PSD2: variants seen among roughly 807,000 people sequenced by gnomAD.
PSD2 encodes PH and SEC7 domain-containing protein 2.
A neutral mutation model predicts 69.8 loss-of-function variants in PSD2; 38 were observed. The observed-to-expected ratio is 0.54, with a 90% CI of 0.42 to 0.71. PSD2 has a LOEUF of 0.71. PSD2 is among the 30% of genes least tolerant of loss of function. The pLI, the probability that PSD2 is intolerant of heterozygous loss-of-function variation, is 0.00. For synonymous variants in PSD2, 412 were observed against 423.0 expected, an observed-to-expected ratio of 0.97 and a Z score of 0.32; for missense variants, 943 against 1,014.5, an observed-to-expected ratio of 0.93 and a Z score of 0.96.
At chr5:139,809,040 T>C (rs990212665) in intron 1 of PSD2, among the ~76,000 whole-genome samples, 25 of 152,256 alleles carry the variant, frequency 1.6e-4, no homozygotes, top group African/African-American at 5.8e-4. Context: ...CCAGCGGGAA[T>C]GGGAGGGGGC....
At chr5:139,801,608 C>T (rs1227556774) in intron 1 of PSD2, among the ~76,000 whole-genome samples, 1 of 152,164 alleles carries the variant, frequency 6.6e-6, no homozygotes, top group Non-Finnish European at 1.5e-5. Flanking sequence ...CTCCACTCCT[C>T]CATACAGATC....
intron 1 of PSD2, among the ~76,000 whole-genome samples, chr5:139,798,566 C>G (rs1581706849): frequency 1.3e-5 from 2 of 152,356 alleles, no homozygotes; most frequent in South Asian, 4.1e-4. Flanking sequence ...CTTGTCAAAG[C>G]TGATAGTATA....
the PSD2 span, among the ~76,000 whole-genome samples, chr5:139,780,010 T>C: frequency 6.6e-6 from 1 of 152,252 alleles, no homozygotes; most frequent in Non-Finnish European, 1.5e-5. Flanking sequence ...TTTGTGTGAA[T>C]ATATGTTTTC....
At chr5:139,809,907 T>C in intron 2 of PSD2, 96 bp downstream of exon 2, 1 of 1,337,268 alleles carries the variant, frequency 7.5e-7, no homozygotes, top group East Asian at 2.3e-5. Context: ...GTTCTTGTTT[T>C]TCTCACACAT....
intron 7 of PSD2, 47 bp from the exon 8 acceptor site, chr5:139,833,655 A>G: frequency 7.0e-7 from 1 of 1,421,262 alleles, no homozygotes; most frequent in African/African-American, 1.4e-5. Context: ...TGGGGAACAC[A>G]CCAGCCTCCT....
the PSD2 span, among the ~76,000 whole-genome samples, chr5:139,759,656 CG>C: frequency 6.6e-6 from 1 of 152,178 alleles, no homozygotes. Flanking sequence ...CGCGCCACGC[CG>C]GGCCCTTTGG....
the PSD2 span, among the ~76,000 whole-genome samples, chr5:139,769,306 A>G: frequency 1.3e-5 from 2 of 152,108 alleles, no homozygotes; most frequent in African/African-American, 4.8e-5. Context: ...GACGGGCCTC[A>G]GGCCTCAGGG....
At chr5:139,763,106 G>A in the PSD2 span, among the ~76,000 whole-genome samples, 1 of 152,124 alleles carries the variant, frequency 6.6e-6, no homozygotes, top group Non-Finnish European at 1.5e-5. Flanking sequence ...CCTCAGTGGG[G>A]TGCCTGAACA....
chr5:139,836,472 C>T (rs1483456986), intron 9 of PSD2, among the ~76,000 whole-genome samples: 5 of 152,130 alleles, frequency 3.3e-5, no homozygotes, highest in East Asian at 3.9e-4. Flanking sequence ...AGTCTGGCCA[C>T]GGTTAGTGCT....
At chr5:139,821,845 C>G (rs1274647372) in intron 5 of PSD2, 48 bp from the exon 6 acceptor site, 24 of 1,182,686 alleles carry the variant, frequency 2.0e-5, no homozygotes, top group Non-Finnish European at 2.8e-5. Context: ...TGGTCTTACC[C>G]TGGGTGAGGA....
At chr5:139,826,748 A>G (rs1760431337) in intron 7 of PSD2, among the ~76,000 whole-genome samples, 1 of 152,182 alleles carries the variant, frequency 6.6e-6, no homozygotes, top group Non-Finnish European at 1.5e-5. Flanking sequence ...GTGGATTTGA[A>G]TCAGCCTTAC....
chr5:139,802,355 G>C (rs1298160097), intron 1 of PSD2, among the ~76,000 whole-genome samples: 1 of 152,014 alleles, frequency 6.6e-6, no homozygotes, highest in African/African-American at 2.4e-5. Context: ...CAGACTGTGG[G>C]GAGCTACTCA....
chr5:139,787,819 AT>A, the PSD2 span, among the ~76,000 whole-genome samples: 1 of 152,212 alleles, frequency 6.6e-6, no homozygotes, highest in Non-Finnish European at 1.5e-5. Context: ...CTGGGTCACC[AT>A]GGGATAGTTG....
rs755373310 is a variant in PSD2, at chr5:139,836,949, C to T, written c.1542C>T (p.Tyr514=). Residue 514 remains tyrosine, a synonymous_variant, in exon 10 of 15, where the codon TAC becomes TAT. Transcript: ENST00000274710. ...DVPQALSATT[Y]KHGVLTRKTH... ...CACAGGCGCTCAGTGCCACCACCTA[C>T]AAGCACGGCGTCCTGACCCGGAAGA... 1.2e-6 allele frequency: 2 copies of T among 1,614,126 alleles called. No individual in the cohort carries two copies. The highest frequency in any genetic ancestry group is 1.7e-6 in the Non-Finnish European group (2 of 1,180,024).
At chr5:139,749,972 G>A in the PSD2 span, among the ~76,000 whole-genome samples, 2 of 151,484 alleles carry the variant, frequency 1.3e-5, no homozygotes, top group African/African-American at 4.9e-5. Context: ...TTGAGGCAGT[G>A]AGCCGTGATT....
intron 7 of PSD2, among the ~76,000 whole-genome samples, chr5:139,830,337 A>G (rs959330213): frequency 2.8e-5 from 4 of 141,732 alleles, no homozygotes; most frequent in African/African-American, 7.8e-5. Context: ...TCATCTCTTG[A>G]TAGTGTTCTT....
chr5:139,773,651 A>G, the PSD2 span, among the ~76,000 whole-genome samples: 3 of 152,200 alleles, frequency 2.0e-5, no homozygotes, highest in African/African-American at 4.8e-5. Flanking sequence ...CATATTGTCT[A>G]TGTCATAATT....
intron 12 of PSD2, 28 bp from the exon 13 acceptor site, chr5:139,838,600 C>T (rs367854593): frequency 1.4e-5 from 22 of 1,602,800 alleles, no homozygotes; most frequent in South Asian, 4.4e-5. Context: ...TGTGAGAGGC[C>T]GGCACCCTCT....
At chr5:139,835,810 TG>T (rs1274731827) in intron 9 of PSD2, 44 bp downstream of exon 9, 2 of 1,593,030 alleles carry the variant, frequency 1.3e-6, no homozygotes, top group Non-Finnish European at 1.7e-6. Flanking sequence ...CATACATCCC[TG>T]GGTGGGGGAG....
Sources: gnomAD v4.1 joint callset for allele counts (sites outside exome capture counted in the v4.1 genomes callset) on GRCh38, gnomAD v4.1.1 for gene constraint, MANE v1.5 for transcripts, NCBI Gene and HGNC (gene_info 2026-07-23, HGNC 2026-07-21) for gene names.